Variants in TRAFD1 observed in about 807,000 individuals in gnomAD.
TRAFD1 encodes the protein TRAF-type zinc finger domain-containing protein 1.
A neutral mutation model predicts 65.3 loss-of-function variants in TRAFD1; 38 were observed. That is an observed-to-expected ratio of 0.58 (90% confidence interval 0.45 to 0.76). The LOEUF is 0.76. Ranked by LOEUF, TRAFD1 falls within the 30% of genes least tolerant of loss-of-function variation. TRAFD1 has a pLI of 0.00. For synonymous variants in TRAFD1, 223 were observed against 257.2 expected (o/e 0.87, Z 1.27); for missense variants, 631 against 712.6 (o/e 0.89, Z 1.30).
chr12:112,140,295 C>G (rs2030049173), intron 4 of TRAFD1: 1 of 170,550 alleles, frequency 5.9e-6, no homozygotes, highest in Non-Finnish European at 1.3e-5. Flanking sequence ...TGGTGTGTGC[C>G]TGAAATCCCA....
Position 112,152,649 on chromosome 12 carries a change from A to C in TRAFD1, c.1693-86A>C, listed in dbSNP as rs2030441855. 6.2e-7 allele frequency: 1 copy of C among 1,606,490 alleles called. No individual in the cohort carries two copies. Among genetic ancestry groups the C allele is most frequent in the South Asian group, 1.1e-5 (1 of 90,792 alleles). On this transcript the variant is annotated intron_variant, in intron 11 of 11. Transcript: ENST00000412615. The surrounding 1 kb of genome is among the most constrained non-coding windows in gnomAD (Gnocchi z 5.0). Reference sequence around the variant, plus strand: ...CTTTTGAGAAGGAGGTTTCTAAGGAAGCGGGACATTTTCGGGGATCCAGGG... The same window carrying C: ...CTTTTGAGAAGGAGGTTTCTAAGGACGCGGGACATTTTCGGGGATCCAGGG...
At position 112,153,491 on chromosome 12, in the gene TRAFD1, C is replaced by T. The variant is rs957819808; in HGVS notation, c.*700C>T. On this transcript the variant is annotated 3_prime_UTR_variant, in exon 12 of 12. Transcript: ENST00000412615. ...CAGGTATGTTGGGCTCTGCCCCAGC[C>T]CCACACTTGCTCTGAAAACCAAGTG... The T allele has an allele frequency of 2.6e-5, 4 of 152,204 alleles. No individual in the cohort carries two copies. The highest frequency in any genetic ancestry group is 1.3e-4 in the Admixed American group (2 of 15,284). The allele number at this position is 152,204 out of a possible 1,614,324, so 9.4% of individuals were successfully genotyped here. A position where few individuals can be genotyped will look rare whatever the true frequency, so the allele number is the denominator to read the frequency against.
chr12:112,132,200 ATTTCT>A (rs2079569629), intron 2 of TRAFD1, among the ~76,000 whole-genome samples: 1 of 152,086 alleles, frequency 6.6e-6, no homozygotes, highest in African/African-American at 2.4e-5. Flanking sequence ...ACAATATAAC[ATTTCT>A]TCTTTCACTT....
chr12:112,152,925 T>A lies in TRAFD1; in HGVS notation c.*134T>A. ...TTTAGATTTTTCTAGGTTATGGCCA[T>A]TTTGTGTCTTTTGAGGTTGTGCTGT... is the stretch of plus-strand genomic sequence containing the variant. On this transcript the variant is annotated 3_prime_UTR_variant, in exon 12 of 12. Transcript: ENST00000412615. This position sits in a 1 kb window ranked among gnomAD's most constrained non-coding sequence, Gnocchi z 5.0. 1 of 982,490 alleles carries A rather than the reference T, an allele frequency of 1.0e-6. No homozygotes were observed. 60.9% of individuals were successfully genotyped at this position (982,490 alleles called of 1,614,324 possible). A position where few individuals can be genotyped will look rare whatever the true frequency, so the allele number is the denominator to read the frequency against.
Position 112,140,995 on chromosome 12 carries a change from G to A in TRAFD1, c.414G>A (p.Glu138=), listed in dbSNP as rs149081968. 3 of 1,614,176 alleles carry A rather than the reference G, an allele frequency of 1.9e-6. No homozygotes were observed. The highest frequency in any genetic ancestry group is 1.3e-5 in the African/African-American group (1 of 75,052). ...CTCACCCTGAAGTTTGTGGGAGAGAGGGGGAGGAAAAGAGAAATGAGGTTG... is the reference window on the plus strand; with the variant it reads ...CTCACCCTGAAGTTTGTGGGAGAGAAGGGGAGGAAAAGAGAAATGAGGTTG... ...LKTHPEVCGR[E]GEEKRNEVAI... is the part of the protein sequence containing the mutation. Residue 138 remains glutamate (E), a synonymous_variant, in exon 5 of 12, where the codon GAG becomes GAA. Coordinates refer to ENST00000412615, the MANE Select transcript of TRAFD1 (RefSeq NM_006700.3).
At chr12:112,146,264 T>C (rs1050996418) in intron 7 of TRAFD1, among the ~76,000 whole-genome samples, 1 of 140,836 alleles carries the variant, frequency 7.1e-6, no homozygotes, top group African/African-American at 2.7e-5. Flanking sequence ...CAGTGATGTA[T>C]GCCTGTAGTC....
intron 5 of TRAFD1, 123 bp downstream of exon 5, chr12:112,141,347 G>A: frequency 9.1e-7 from 1 of 1,095,254 alleles, no homozygotes. Flanking sequence ...GTAACACTGG[G>A]AAGAATACCT....
chr12:112,151,698 G>A (rs568177129), intron 9 of TRAFD1, 103 bp from the exon 10 acceptor site: 4 of 1,176,616 alleles, frequency 3.4e-6, no homozygotes, highest in African/African-American at 3.1e-5. Flanking sequence ...ACGCCTGGCT[G>A]AGCAGTTGTC....
intron 5 of TRAFD1, chr12:112,141,450 T>C: frequency 1.8e-6 from 1 of 562,500 alleles, no homozygotes; most frequent in South Asian, 2.5e-5. Flanking sequence ...AGCCAACACT[T>C]ATACAGATTG....
intron 1 of TRAFD1, among the ~76,000 whole-genome samples, chr12:112,129,765 C>T (rs949802756): frequency 1.3e-5 from 2 of 151,918 alleles, no homozygotes; most frequent in African/African-American, 2.4e-5. Context: ...GCCTCAGCCT[C>T]GCGAGTAGCT....
At chr12:112,146,225 CAAAAAAAAAAA>C (rs766339761) in intron 7 of TRAFD1, among the ~76,000 whole-genome samples, 1 of 66,816 alleles carries the variant, frequency 1.5e-5, no homozygotes, top group Admixed American at 1.6e-4. Context: ...GAAATAACAG[CAAAAAAAAAAA>C]AAAAAAAAAA....
intron 2 of TRAFD1, 118 bp from the exon 3 acceptor site, chr12:112,134,620 A>T (rs965476547): frequency 8.2e-6 from 10 of 1,217,890 alleles, no homozygotes; most frequent in Non-Finnish European, 1.0e-5. Context: ...GTATTCACTA[A>T]AGATAAATAA....
intron 5 of TRAFD1, among the ~76,000 whole-genome samples, chr12:112,141,725 A>C (rs2030095254): frequency 6.6e-6 from 1 of 152,156 alleles, no homozygotes; most frequent in Non-Finnish European, 1.5e-5. Context: ...TCATTATTTG[A>C]AGGTAGGTAA....
At chr12:112,149,499 G>T in intron 8 of TRAFD1, 1 of 348,388 alleles carries the variant, frequency 2.9e-6, no homozygotes. Context: ...AGAAATAAAT[G>T]TTTTTCTGGG....
intron 1 of TRAFD1, among the ~76,000 whole-genome samples, chr12:112,128,190 A>G: frequency 6.6e-6 from 1 of 151,166 alleles, no homozygotes; most frequent in Admixed American, 6.6e-5. Context: ...TATTTTTAGT[A>G]GAGAGGTGTT....
rs2030073292 is a variant in TRAFD1 at position 112,141,048 on chromosome 12, C to T, written c.467C>T (p.Ser156Phe). The T allele has an allele frequency of 6.2e-7, 1 of 1,614,168 alleles. No homozygotes were observed. The highest frequency in any genetic ancestry group is 1.3e-5 in the African/African-American group (1 of 75,050). The stretch of plus-strand genomic sequence containing the variant: ...ATACCTCCTAATGCATATGATGAAT[C>T]TTGGGGTCAGGATGGAATCTGGATT... The part of the protein sequence containing the change: ...VAIPPNAYDE[S>F]WGQDGIWIAS... The change falls in exon 5 of 12, where the codon TCT becomes TTT. Residue 156 changes from serine (S) to phenylalanine (F), a missense_variant. Physicochemically the swap from Ser to Phe is radical, Grantham distance 155. Transcript: ENST00000412615.
At position 112,134,859 on chromosome 12, in the gene TRAFD1, G is replaced by T. The variant is rs770054831; in HGVS notation, c.169G>T (p.Ala57Ser). ...ATCTGACATGGAGACTCACATGGCT[G>T]CAGAACACTGTCAGGTGAGCCACCA... ...PKSDMETHMA[A>S]EHCQVTCKCN... The change falls in exon 3 of 12, where the codon GCA becomes TCA. Residue 57 changes from alanine (A) to serine (S), a missense_variant. Ala to Ser is a moderately conservative substitution (Grantham distance 99). Transcript: ENST00000412615. 2 of 1,613,156 alleles carry T rather than the reference G, an allele frequency of 1.2e-6. No individual in the cohort carries two copies. The highest frequency in any genetic ancestry group is 1.1e-5 in the South Asian group (1 of 91,078).
intron 2 of TRAFD1, among the ~76,000 whole-genome samples, 193 bp from the exon 3 acceptor site, chr12:112,134,545 C>T (rs1168864813): frequency 2.0e-5 from 3 of 151,880 alleles, no homozygotes; most frequent in South Asian, 2.1e-4. Flanking sequence ...CATGAGCCAC[C>T]GCGCCTGGCC....
intron 6 of TRAFD1, among the ~76,000 whole-genome samples, chr12:112,144,614 C>G (rs1231023444): frequency 1.3e-5 from 2 of 152,162 alleles, no homozygotes; most frequent in East Asian, 1.9e-4. Flanking sequence ...AGCATCATGT[C>G]TCATTCCTGT....
Sources: allele counts gnomAD v4.1 joint callset (sites outside exome capture counted in the v4.1 genomes callset), GRCh38; gene constraint gnomAD v4.1.1; non-coding constraint Gnocchi (gnomAD v3.1); transcripts MANE v1.5; gene names NCBI Gene and HGNC (gene_info 2026-07-23, HGNC 2026-07-21).